TP63: variants seen among roughly 807,000 people sequenced by gnomAD.
TP63 encodes tumor protein 63.
In TP63, 17 loss-of-function variants were observed where a neutral mutation model predicts 82.8. The observed-to-expected ratio is 0.21, with a 90% CI of 0.14 to 0.31. The LOEUF (loss-of-function observed/expected upper bound fraction) is 0.31. Ranked by LOEUF, TP63 falls within the 10% of genes least tolerant of loss-of-function variation. The probability of loss-of-function intolerance (pLI) is 1.00; values close to 1 mark genes in which losing one functional copy is unlikely to be tolerated. For synonymous variants in TP63, 330 were observed against 321.7 expected, an observed-to-expected ratio of 1.03 and a Z score of -0.28; for missense variants, 648 against 895.3, an observed-to-expected ratio of 0.72 and a Z score of 3.52.
intron 1 of TP63, among the ~76,000 whole-genome samples, chr3:189,682,553 AATATATATAT>A (rs1179179631): frequency 6.3e-3 from 65 of 10,328 alleles, no homozygotes; most frequent in African/African-American, 0.013. Flanking sequence ...AAAAAAAAAA[AATATATATAT>A]ATATATATAT....
chr3:189,638,545 CT>C (rs1711535556), intron 1 of TP63, among the ~76,000 whole-genome samples: 1 of 152,086 alleles, frequency 6.6e-6, no homozygotes, highest in African/African-American at 2.4e-5. Flanking sequence ...ATATCTGACT[CT>C]TAGATGGCAG....
chr3:189,603,321 T>C, the TP63 span, among the ~76,000 whole-genome samples: 1 of 152,174 alleles, frequency 6.6e-6, no homozygotes, highest in African/African-American at 2.4e-5. Context: ...TCTCTTCTCA[T>C]CTATAAGGTG....
At chr3:189,799,123 A>G (rs1243691144) in intron 3 of TP63, among the ~76,000 whole-genome samples, 1 of 152,138 alleles carries the variant, frequency 6.6e-6, no homozygotes, top group African/African-American at 2.4e-5. Flanking sequence ...TGCAAATAAA[A>G]ACTAGTGTTT....
intron 1 of TP63, among the ~76,000 whole-genome samples, chr3:189,680,120 T>C (rs1263228199): frequency 6.6e-6 from 1 of 152,124 alleles, no homozygotes; most frequent in Non-Finnish European, 1.5e-5. Context: ...TTTTTTTCTC[T>C]ATGTCACTGA....
chr3:189,735,643 T>C (rs1017592929), intron 1 of TP63, among the ~76,000 whole-genome samples: 1 of 152,210 alleles, frequency 6.6e-6, no homozygotes, highest in Non-Finnish European at 1.5e-5. Flanking sequence ...GCCCTTTTGT[T>C]GTCTTACCTT....
intron 3 of TP63, among the ~76,000 whole-genome samples, chr3:189,742,135 C>G (rs1485254292): frequency 7.3e-5 from 10 of 136,870 alleles, no homozygotes; most frequent in Admixed American, 7.3e-4. Context: ...CCCAGCTACT[C>G]AGGAGGCTGA....
chr3:189,817,498 G>C (rs990613691), intron 4 of TP63, among the ~76,000 whole-genome samples: 4 of 152,066 alleles, frequency 2.6e-5, no homozygotes, highest in Non-Finnish European at 5.9e-5. Context: ...TTGCTGTGAG[G>C]CTTAATTAAA....
At chr3:189,755,897 G>A (rs535273236) in intron 3 of TP63, among the ~76,000 whole-genome samples, 1 of 152,230 alleles carries the variant, frequency 6.6e-6, no homozygotes, top group Admixed American at 6.5e-5. Flanking sequence ...AGTGTCTCTC[G>A]ATATACCTTT....
intron 1 of TP63, among the ~76,000 whole-genome samples, chr3:189,722,337 G>A (rs1719452186): frequency 6.6e-6 from 1 of 152,214 alleles, no homozygotes; most frequent in Non-Finnish European, 1.5e-5. Context: ...TAATAAGGGA[G>A]CAGCCTTAGA....
At chr3:189,822,344 A>G (rs1362170618) in intron 4 of TP63, among the ~76,000 whole-genome samples, 1 of 152,184 alleles carries the variant, frequency 6.6e-6, no homozygotes, top group East Asian at 1.9e-4. Flanking sequence ...GTATTAGGAT[A>G]GTACTTTAAA....
intron 3 of TP63, among the ~76,000 whole-genome samples, chr3:189,769,741 GT>G (rs1723198132): frequency 6.6e-6 from 1 of 152,144 alleles, no homozygotes; most frequent in Admixed American, 6.5e-5. Flanking sequence ...AGGCAATTAT[GT>G]TGCTGGACTT....
intron 3 of TP63, among the ~76,000 whole-genome samples, chr3:189,804,178 T>C (rs1377661890): frequency 6.6e-6 from 1 of 152,218 alleles, no homozygotes; most frequent in African/African-American, 2.4e-5. Context: ...GACTTGTCAT[T>C]GTCAGTAAGC....
intron 3 of TP63, among the ~76,000 whole-genome samples, chr3:189,739,232 C>T (rs1458262067): frequency 2.6e-5 from 4 of 152,198 alleles, no homozygotes; most frequent in African/African-American, 9.7e-5. Flanking sequence ...TTTGCTGACT[C>T]AGTCTCCCAA....
chr3:189,700,725 G>T (rs1404475730), intron 1 of TP63, among the ~76,000 whole-genome samples: 10 of 152,136 alleles, frequency 6.6e-5, no homozygotes, highest in Admixed American at 6.5e-4. Context: ...CCAATGAGCA[G>T]CTGGTACATA....
intron 10 of TP63, chr3:189,880,173 C>A (rs956101065): frequency 6.2e-7 from 1 of 1,612,266 alleles, no homozygotes; most frequent in Non-Finnish European, 8.5e-7. Context: ...ATCAGTGTAC[C>A]CATAGAGCCC....
intron 3 of TP63, among the ~76,000 whole-genome samples, chr3:189,740,977 A>G (rs1354880580): frequency 6.6e-6 from 1 of 152,226 alleles, no homozygotes; most frequent in Admixed American, 6.5e-5. Context: ...TCTCTAAAGT[A>G]GAACAGGGCT....
chr3:189,880,524 T>C, intron 10 of TP63: 3 of 994,518 alleles, frequency 3.0e-6, no homozygotes, highest in Non-Finnish European at 3.6e-6. Context: ...AACCCTTTTC[T>C]GTCTTCTTCT....
chr3:189,733,808 G>C (rs1443190667), intron 1 of TP63, among the ~76,000 whole-genome samples: 2 of 152,062 alleles, frequency 1.3e-5, no homozygotes, highest in African/African-American at 4.8e-5. Context: ...TTACTATTTG[G>C]CAGTAAATAA....
chr3:189,775,399 C>T (rs925177435), intron 3 of TP63, among the ~76,000 whole-genome samples: 2 of 152,080 alleles, frequency 1.3e-5, no homozygotes, highest in Admixed American at 1.3e-4. Context: ...GAGGATTCTG[C>T]CTTCTTGCTG....
Sources: allele counts gnomAD v4.1 joint callset (sites outside exome capture counted in the v4.1 genomes callset), GRCh38; gene constraint gnomAD v4.1.1; transcripts MANE v1.5; gene names NCBI Gene and HGNC (gene_info 2026-07-23, HGNC 2026-07-21).